Variants in LRMDA observed in about 807,000 individuals in gnomAD.
The protein encoded by LRMDA is leucine-rich melanocyte differentiation-associated protein.
In LRMDA, 18 loss-of-function variants were observed where a neutral mutation model predicts 29.8. The observed-to-expected ratio is 0.60, with a 90% CI of 0.42 to 0.90. The LOEUF (loss-of-function observed/expected upper bound fraction) is 0.90. LRMDA is among the 40% of genes least tolerant of loss of function. LRMDA has a pLI of 0.00. For synonymous variants in LRMDA, 125 were observed against 109.4 expected (o/e 1.14, Z -0.89); for missense variants, 273 against 273.9 (o/e 1.00, Z 0.02).
chr10:75,513,771 G>A (rs897638326), intron 2 of LRMDA, among the ~76,000 whole-genome samples: 5 of 151,948 alleles, frequency 3.3e-5, no homozygotes, highest in East Asian at 1.9e-4. Context: ...TCTTACAAAC[G>A]AGCCTTGTGA....
intron 6 of LRMDA, among the ~76,000 whole-genome samples, chr10:76,350,379 CA>C (rs1564516987): frequency 6.6e-6 from 1 of 151,202 alleles, no homozygotes; most frequent in East Asian, 1.9e-4. Context: ...TTTATATTTT[CA>C]AAAAATAATT....
chr10:76,140,937 T>G (rs1850186946), intron 5 of LRMDA, among the ~76,000 whole-genome samples: 1 of 152,088 alleles, frequency 6.6e-6, no homozygotes, highest in Admixed American at 6.6e-5. Context: ...AATTATTCTT[T>G]GAGTCCAACC....
At chr10:76,518,030 T>C (rs1382179484) in intron 6 of LRMDA, among the ~76,000 whole-genome samples, 1 of 151,226 alleles carries the variant, frequency 6.6e-6, no homozygotes, top group Admixed American at 6.6e-5. Context: ...GCTAGAAACA[T>C]GTCTAAAGGG....
intron 2 of LRMDA, among the ~76,000 whole-genome samples, chr10:75,626,917 A>G (rs1841256856): frequency 6.6e-6 from 1 of 152,224 alleles, no homozygotes; most frequent in South Asian, 2.1e-4. Context: ...TTGTTGCTCC[A>G]GCCATCGGGC....
In LRMDA at chr10:76,161,726, T is replaced by C. The variant is rs1023889101; in HGVS notation, c.516+102943T>C. On this transcript the variant is annotated intron_variant, in intron 5 of 6. Coordinates refer to ENST00000611255, the MANE Select transcript of LRMDA (RefSeq NM_001305581.2). ...GTCCACCTGGCCTTCCTGCCCTGTC[T>C]TTTAACAGGACAGAGGAGGATGAAG... Among the ~76,000 whole-genome samples the C allele has an allele frequency of 2.6e-5, 4 of 152,202 alleles. 1 individual carries two copies. Among genetic ancestry groups the C allele is most frequent in the South Asian group, 2.1e-4 (1 of 4,824 alleles).
chr10:76,538,679 T>TTATAC (rs1564570381), intron 6 of LRMDA, among the ~76,000 whole-genome samples: 1 of 151,936 alleles, frequency 6.6e-6, no homozygotes, highest in Non-Finnish European at 1.5e-5. Context: ...TTTAACTTGT[T>TTATAC]ACAACTCTGT....
At chr10:76,286,273 C>T (rs148189949) in intron 5 of LRMDA, among the ~76,000 whole-genome samples, 16 of 152,190 alleles carry the variant, frequency 1.1e-4, no homozygotes, top group African/African-American at 3.6e-4. Flanking sequence ...AGTTTGTCAC[C>T]GATGCATTAA....
chr10:76,161,343 GA>G (rs543184641), intron 5 of LRMDA, among the ~76,000 whole-genome samples: 92 of 152,280 alleles, frequency 6.0e-4, no homozygotes, highest in African/African-American at 2.2e-3. Context: ...CAGCTTTCTT[GA>G]TTTTGAATTA....
chr10:75,836,863 T>A (rs1450815210), intron 2 of LRMDA, among the ~76,000 whole-genome samples: 1 of 152,218 alleles, frequency 6.6e-6, no homozygotes, highest in Non-Finnish European at 1.5e-5. Flanking sequence ...AGTAGGAATT[T>A]AAATGCATGC....
At chr10:75,996,890 G>A (rs1847475561) in intron 2 of LRMDA, among the ~76,000 whole-genome samples, 1 of 151,920 alleles carries the variant, frequency 6.6e-6, no homozygotes, top group Non-Finnish European at 1.5e-5. Flanking sequence ...CCGCCACCAT[G>A]CCCGGCTAAT....
chr10:76,102,773 C>G (rs1044653416), intron 5 of LRMDA, among the ~76,000 whole-genome samples: 6 of 152,176 alleles, frequency 3.9e-5, no homozygotes, highest in Admixed American at 2.0e-4. Context: ...CCACCTCAGC[C>G]TCCTGTGTAG....
intron 2 of LRMDA, among the ~76,000 whole-genome samples, chr10:75,554,978 C>T (rs1482335060): frequency 6.6e-6 from 1 of 152,118 alleles, no homozygotes; most frequent in African/African-American, 2.4e-5. Context: ...GATTCTTGTT[C>T]TCCTCCATAG....
chr10:76,145,297 T>A (rs1019155240), intron 5 of LRMDA, among the ~76,000 whole-genome samples: 1 of 152,226 alleles, frequency 6.6e-6, no homozygotes, highest in African/African-American at 2.4e-5. Context: ...CTGGTAGAAT[T>A]TGGCTGTGAA....
intron 6 of LRMDA, among the ~76,000 whole-genome samples, chr10:76,363,334 AAAG>A (rs1486318275): frequency 1.3e-5 from 2 of 151,992 alleles, no homozygotes; most frequent in African/African-American, 4.8e-5. Context: ...AAAGAAAAGA[AAAG>A]AAAAAAGAAG....
In LRMDA at chr10:76,090,029, T is replaced by C. The variant is rs1340506972; in HGVS notation, c.516+31246T>C. 1.4e-4 allele frequency among the ~76,000 whole-genome samples: 22 copies of C among 152,290 alleles called. No homozygotes were observed. The East Asian group carries it at 3.9e-3, about 27-fold the overall frequency. ...AGAAGCGATTGACACAGCTTTTCAA[T>C]GTAGTCACTGGCAATGTCAGCAGTG... On this transcript the variant is annotated intron_variant, in intron 5 of 6. Transcript: ENST00000611255.
At chr10:75,828,769 C>T (rs1844288952) in intron 2 of LRMDA, among the ~76,000 whole-genome samples, 1 of 152,200 alleles carries the variant, frequency 6.6e-6, no homozygotes, top group African/African-American at 2.4e-5. Flanking sequence ...AGCATTAAGG[C>T]TGACTGGGAA....
At chr10:76,469,025 G>A (rs775834435) in intron 6 of LRMDA, among the ~76,000 whole-genome samples, 13 of 152,118 alleles carry the variant, frequency 8.5e-5, no homozygotes, top group African/African-American at 2.2e-4. Flanking sequence ...CCAACCATTC[G>A]GAGTCTCTGG....
intron 2 of LRMDA, among the ~76,000 whole-genome samples, chr10:75,895,619 A>G (rs557583921): frequency 1.1e-4 from 17 of 152,348 alleles, no homozygotes; most frequent in Admixed American, 2.0e-4. Flanking sequence ...ATAGAGATAC[A>G]TGACATAAAG....
At chr10:75,573,398 C>G (rs1172146364) in intron 2 of LRMDA, among the ~76,000 whole-genome samples, 1 of 151,900 alleles carries the variant, frequency 6.6e-6, no homozygotes, top group Non-Finnish European at 1.5e-5. Flanking sequence ...TCTCTTTATT[C>G]TTTTCTGGAA....
Sources: gnomAD v4.1 joint callset for allele counts (sites outside exome capture counted in the v4.1 genomes callset) on GRCh38, gnomAD v4.1.1 for gene constraint, MANE v1.5 for transcripts, NCBI Gene and HGNC (gene_info 2026-07-23, HGNC 2026-07-21) for gene names.